Variants in WSCD2 observed in about 807,000 individuals in gnomAD.
WSCD2 encodes the protein WSC domain sialate O sulfotransferase 2.
Under a neutral mutation model 55.7 loss-of-function variants are expected in WSCD2, and 28 were observed. That is an observed-to-expected ratio of 0.50 (90% CI 0.37 to 0.69). WSCD2 has a LOEUF of 0.69. Ranked by LOEUF, WSCD2 falls within the 30% of genes least tolerant of loss-of-function variation. The pLI is 0.00. For missense variants in WSCD2, 616 were observed against 762.1 expected (o/e 0.81, Z 2.26); for synonymous variants, 301 against 301.9 (o/e 1.00, Z 0.03).
intron 1 of WSCD2, among the ~76,000 whole-genome samples, chr12:108,169,138 C>T (rs554654810): frequency 6.6e-6 from 1 of 152,278 alleles, no homozygotes; most frequent in South Asian, 2.1e-4. Context: ...TCCATCACCT[C>T]CAGATGGGAA....
chr12:108,169,595 C>G (rs552767341), intron 1 of WSCD2, among the ~76,000 whole-genome samples: 1 of 152,256 alleles, frequency 6.6e-6, no homozygotes, highest in South Asian at 2.1e-4. Context: ...CTCTGCTTCC[C>G]GCCCACCCAG....
At chr12:108,150,591 C>A (rs1877879364) in intron 1 of WSCD2, among the ~76,000 whole-genome samples, 1 of 152,128 alleles carries the variant, frequency 6.6e-6, no homozygotes, top group South Asian at 2.1e-4. Flanking sequence ...ACACAGCATG[C>A]CTGGCCGGAG....
chr12:108,202,186 G>A (rs1884775304), intron 2 of WSCD2, among the ~76,000 whole-genome samples: 1 of 152,166 alleles, frequency 6.6e-6, no homozygotes, highest in South Asian at 2.1e-4. Context: ...AGGGACCATG[G>A]TTGTATTGGT....
intron 1 of WSCD2, among the ~76,000 whole-genome samples, chr12:108,173,824 G>C (rs1235497111): frequency 1.7e-4 from 26 of 150,472 alleles, no homozygotes; most frequent in South Asian, 1.7e-3. Flanking sequence ...GTGTGTGTGT[G>C]TGTGTGTGTG....
chr12:108,158,327 C>T (rs1024367687), intron 1 of WSCD2, among the ~76,000 whole-genome samples: 22 of 152,140 alleles, frequency 1.4e-4, no homozygotes, highest in Non-Finnish European at 4.4e-5. Context: ...TGAGACACAG[C>T]CAGCAATGAA....
At chr12:108,132,814 C>T (rs935691355) in intron 1 of WSCD2, among the ~76,000 whole-genome samples, 2 of 152,132 alleles carry the variant, frequency 1.3e-5, no homozygotes, top group African/African-American at 4.8e-5. Context: ...GTGCATACAG[C>T]CATGTGAGTG....
intron 1 of WSCD2, among the ~76,000 whole-genome samples, chr12:108,166,928 C>T (rs1879728812): frequency 6.6e-6 from 1 of 151,532 alleles, no homozygotes; most frequent in South Asian, 2.1e-4. Flanking sequence ...TCTCCTGCCT[C>T]AGCCTCCGGA....
chr12:108,178,192 C>A (rs1881151935), intron 1 of WSCD2, among the ~76,000 whole-genome samples: 3 of 151,934 alleles, frequency 2.0e-5, no homozygotes, highest in Non-Finnish European at 2.9e-5. Context: ...TGCTTCCTAC[C>A]CCTCTCCTTG....
chr12:108,247,220 T>G (rs1302052568), intron 8 of WSCD2, among the ~76,000 whole-genome samples: 1 of 151,962 alleles, frequency 6.6e-6, no homozygotes, highest in African/African-American at 2.4e-5. Context: ...TTCTGTTAAA[T>G]GGAGATAATG....
rs763683511 is a variant in WSCD2 at position 108,240,344 on chromosome 12, G to C, written c.1145G>C (p.Gly382Ala). ...GTTCCTCACCTCTGGCTGCGGGAAG[G>C]GTTTAAAGGTGAGCGGGACCACTGG... ...YYFDGSLYNKGFKGERDHWRS... is the reference protein window; with the variant it reads ...YYFDGSLYNKAFKGERDHWRS... Residue 382 changes from glycine (G) to alanine (A), a missense_variant and splice_region_variant, in exon 8 of 9, where the codon GGG (glycine) becomes GCG (alanine). Around this residue, in one of 3 missense-constraint regions of WSCD2, gnomAD observed 234 missense variants for 264.6 expected, o/e 0.88. Transcript: ENST00000547525. The C allele has an allele frequency of 6.2e-7, 1 of 1,613,944 alleles. No individual in the cohort carries two copies. Among genetic ancestry groups the C allele is most frequent in the South Asian group, 1.1e-5 (1 of 91,074 alleles).
At chr12:108,173,005 C>T (rs749388015) in intron 1 of WSCD2, among the ~76,000 whole-genome samples, 14 of 152,168 alleles carry the variant, frequency 9.2e-5, no homozygotes, top group South Asian at 2.1e-4. Context: ...CCCCTTCCCC[C>T]TCTCTGCCAT....
intron 8 of WSCD2, among the ~76,000 whole-genome samples, chr12:108,246,376 C>G (rs797001705): frequency 6.6e-5 from 10 of 152,348 alleles, no homozygotes; most frequent in African/African-American, 2.4e-4. Flanking sequence ...GTTGCCTGCT[C>G]TGGCAGGCAC....
chr12:108,181,635 G>A (rs139268681), intron 1 of WSCD2, among the ~76,000 whole-genome samples: 217 of 152,270 alleles, frequency 1.4e-3, no homozygotes, highest in African/African-American at 5.0e-3. Context: ...TAGAGACAGG[G>A]TCTCACTCTG....
intron 1 of WSCD2, among the ~76,000 whole-genome samples, chr12:108,174,389 TCCTCA>T (rs1435910628): frequency 2.6e-5 from 4 of 152,150 alleles, no homozygotes; most frequent in Non-Finnish European, 2.9e-5. Context: ...TGCCTCAGTT[TCCTCA>T]CCTGTAACTT....
intron 7 of WSCD2, chr12:108,233,125 T>C (rs1456351659): frequency 8.0e-6 from 4 of 498,024 alleles, no homozygotes; most frequent in Admixed American, 3.3e-5. Context: ...CATTCAATAA[T>C]TGACATTTGT....
Position 108,240,402 on chromosome 12 carries a change from C to T in WSCD2, c.1203C>T (p.His401=), listed in dbSNP as rs1889631323. 2 of 1,614,046 alleles carry T rather than the reference C, an allele frequency of 1.2e-6. No individual in the cohort carries two copies. The highest frequency in any genetic ancestry group is 2.7e-5 in the African/African-American group (2 of 74,912). The change falls in exon 8 of 9, where the codon CAC becomes CAT. Residue 401 remains histidine (H), a synonymous_variant. Transcript: ENST00000547525. ...GACGGACCATCTGCATCAAGACGCACGAAAGCGGCCAGAAAGAGATCGAGG... is the reference window on the plus strand; with the variant it reads ...GACGGACCATCTGCATCAAGACGCATGAAAGCGGCCAGAAAGAGATCGAGG... The part of the protein sequence containing the change: ...RSGRTICIKT[H]ESGQKEIEAF...
chr12:108,199,662 CA>C (rs1263597816), intron 2 of WSCD2, among the ~76,000 whole-genome samples: 1 of 152,186 alleles, frequency 6.6e-6, no homozygotes, highest in Non-Finnish European at 1.5e-5. Flanking sequence ...AGGTGCTGTT[CA>C]AAGCATTTAC....
intron 4 of WSCD2, among the ~76,000 whole-genome samples, chr12:108,213,280 G>A (rs1886445054): frequency 6.6e-6 from 1 of 152,272 alleles, no homozygotes. Context: ...AGGATTGGTT[G>A]AACCACAGAC....
chr12:108,225,685 A>T (rs1888003691), intron 5 of WSCD2, among the ~76,000 whole-genome samples: 1 of 152,080 alleles, frequency 6.6e-6, no homozygotes, highest in African/African-American at 2.4e-5. Context: ...CTGACTGTTT[A>T]TGTTTCCTCC....
Sources: gnomAD v4.1 joint callset for allele counts (sites outside exome capture counted in the v4.1 genomes callset) on GRCh38, gnomAD v4.1.1 for gene constraint, gnomAD v4.1.1 regional missense constraint, MANE v1.5 for transcripts, NCBI Gene and HGNC (gene_info 2026-07-23, HGNC 2026-07-21) for gene names.